The following SORCS2 variants were observed in gnomAD, a reference collection of about 807,000 sequenced individuals.
SORCS2 encodes the protein sortilin related VPS10 domain containing receptor 2.
Under a neutral mutation model 141.6 loss-of-function variants are expected in SORCS2, and 100 were observed. The ratio of observed to expected loss-of-function variants is 0.71; its 90% CI spans 0.60 to 0.83. The LOEUF (loss-of-function observed/expected upper bound fraction) is 0.83. SORCS2 is among the 40% of genes least tolerant of loss of function. The pLI, the probability that SORCS2 is intolerant of heterozygous loss-of-function variation, is 0.00. For missense variants in SORCS2, 1,646 were observed against 1,560.2 expected (o/e 1.05, Z -0.93); for synonymous variants, 789 against 676.9 (o/e 1.17, Z -2.57).
At chr4:7,682,694 C>G (rs1276642026) in intron 9 of SORCS2, 49 bp from the exon 10 acceptor site, 1 of 1,556,028 alleles carries the variant, frequency 6.4e-7, no homozygotes, top group African/African-American at 1.4e-5. Flanking sequence ...ACTTGGTCAT[C>G]AGAGTGCTCC....
intron 2 of SORCS2, among the ~76,000 whole-genome samples, chr4:7,483,863 A>G (rs1730811499): frequency 6.6e-6 from 1 of 152,114 alleles, no homozygotes; most frequent in South Asian, 2.1e-4. Flanking sequence ...ATGTATACCT[A>G]TGTAACAAAC....
chr4:7,213,594 C>T (rs1406029486), intron 1 of SORCS2, among the ~76,000 whole-genome samples: 2 of 152,196 alleles, frequency 1.3e-5, no homozygotes, highest in South Asian at 2.1e-4. Flanking sequence ...AGTCAAGAAC[C>T]ACTGTGTTAA....
Position 7,236,105 on chromosome 4 carries a change from G to A in SORCS2, c.480+42979G>A, listed in dbSNP as rs141181238. Among the ~76,000 whole-genome samples, 210 of 152,330 alleles carry A rather than the reference G, an allele frequency of 1.4e-3. 1 individual carries two copies. The highest frequency in any genetic ancestry group is 4.9e-3 in the African/African-American group (202 of 41,564). ...CCTGTTGGCCTTCAGACACTTGCAC[G>A]TATGGACGTTCATGTGGGTACCTAT... On this transcript the variant is annotated intron_variant, in intron 1 of 26. Transcript: ENST00000507866.
intron 1 of SORCS2, among the ~76,000 whole-genome samples, chr4:7,351,691 A>G (rs76474899): frequency 1.7e-4 from 22 of 129,288 alleles, no homozygotes; most frequent in Non-Finnish European, 2.9e-4. Context: ...CCGTCCATCC[A>G]TCCATCCATC....
chr4:7,632,867 A>AG (rs1719988649), intron 3 of SORCS2, among the ~76,000 whole-genome samples: 2 of 151,992 alleles, frequency 1.3e-5, no homozygotes, highest in Non-Finnish European at 2.9e-5. Flanking sequence ...AAGATGCTGG[A>AG]GGGGGCAGAG....
At chr4:7,715,339 C>A in intron 17 of SORCS2, 28 bp downstream of exon 17, 1 of 1,610,726 alleles carries the variant, frequency 6.2e-7, no homozygotes, top group Non-Finnish European at 8.5e-7. Flanking sequence ...CCTCTCCCTG[C>A]CTAAATCCGG....
rs563373569 is a variant in SORCS2, at chr4:7,398,115, G to A, written c.548+1760G>A. Among the ~76,000 whole-genome samples the A allele has an allele frequency of 2.0e-5, 3 of 152,272 alleles. No individual in the cohort carries two copies. The South Asian group carries it at 6.2e-4, about 32-fold the overall frequency. ...TTCCCGGTGTGATCTGCACTTATAC[G>A]ACGGAGTTGCCGGCTTAGTTTACGT... On this transcript the variant is annotated intron_variant, in intron 2 of 26. Coordinates refer to ENST00000507866, the MANE Select transcript of SORCS2 (RefSeq NM_020777.3).
At chr4:7,395,647 C>T (rs1724162770) in intron 1 of SORCS2, among the ~76,000 whole-genome samples, 1 of 34,458 alleles carries the variant, frequency 2.9e-5, no homozygotes, top group East Asian at 1.1e-3. Context: ...GAAATGCAAA[C>T]AGCGTGGTCA....
At chr4:7,715,389 G>C in intron 17 of SORCS2, 78 bp downstream of exon 17, 10 of 1,573,638 alleles carry the variant, frequency 6.4e-6, no homozygotes, top group Non-Finnish European at 8.7e-6. Context: ...ACGCCTTCCT[G>C]GCTGGTGCCT....
At chr4:7,438,695 C>T (rs530981188) in intron 2 of SORCS2, among the ~76,000 whole-genome samples, 107 of 151,588 alleles carry the variant, frequency 7.1e-4, no homozygotes, top group African/African-American at 2.4e-3. Context: ...TTTTAAAAGA[C>T]TCAGAATTAT....
intron 2 of SORCS2, among the ~76,000 whole-genome samples, chr4:7,470,457 G>T (rs1477627168): frequency 6.6e-6 from 1 of 152,204 alleles, no homozygotes; most frequent in Non-Finnish European, 1.5e-5. Context: ...ATCCAGGTGG[G>T]ATAGGGATGG....
intron 1 of SORCS2, among the ~76,000 whole-genome samples, chr4:7,337,470 C>T (rs928906896): frequency 2.6e-5 from 4 of 152,074 alleles, no homozygotes; most frequent in South Asian, 4.2e-4. Context: ...AGGCAGAGGT[C>T]GGGGAGAGTT....
chr4:7,335,563 G>A (rs1398302051), intron 1 of SORCS2, among the ~76,000 whole-genome samples: 2 of 152,202 alleles, frequency 1.3e-5, no homozygotes, highest in Non-Finnish European at 2.9e-5. Context: ...ACCCGAGGAC[G>A]GCCAGTTCAG....
intron 2 of SORCS2, among the ~76,000 whole-genome samples, chr4:7,445,046 G>A (rs1370298034): frequency 6.6e-6 from 1 of 152,212 alleles, no homozygotes; most frequent in Non-Finnish European, 1.5e-5. Context: ...ATATAGGACT[G>A]GACCATTGCT....
At chr4:7,596,391 A>G (rs978235692) in intron 3 of SORCS2, among the ~76,000 whole-genome samples, 6 of 151,882 alleles carry the variant, frequency 4.0e-5, no homozygotes, top group African/African-American at 1.2e-4. Context: ...TTTTATAGGG[A>G]CTCGCTAGAC....
chr4:7,592,389 T>C (rs1716979736), intron 3 of SORCS2, among the ~76,000 whole-genome samples: 1 of 152,158 alleles, frequency 6.6e-6, no homozygotes, highest in African/African-American at 2.4e-5. Context: ...GTGTCCTCAT[T>C]CAAGAAACGG....
At chr4:7,671,012 CT>C (rs1391628880) in intron 8 of SORCS2, among the ~76,000 whole-genome samples, 3 of 152,166 alleles carry the variant, frequency 2.0e-5, no homozygotes, top group Admixed American at 2.0e-4. Flanking sequence ...CCCCTTTTCC[CT>C]TTTGGGAGCC....
chr4:7,721,847 C>A (rs1726608046), intron 18 of SORCS2, among the ~76,000 whole-genome samples: 1 of 152,132 alleles, frequency 6.6e-6, no homozygotes, highest in Non-Finnish European at 1.5e-5. Context: ...CTGTATCATT[C>A]CGTACAACTA....
At position 7,664,674 on chromosome 4, in the gene SORCS2, C is replaced by T. The variant is rs974504073; in HGVS notation, c.1071+203C>T. On this transcript the variant is annotated intron_variant, in intron 7 of 26. Transcript: ENST00000507866. The surrounding 1 kb of genome is among the most constrained non-coding windows in gnomAD (Gnocchi z 4.7). ...CCCTCGCAAGCCCAGAACTGTGGCT[C>T]AGGGACACTGAGGCTCCACCTCCCT... is the stretch of plus-strand genomic sequence containing the variant. Among the ~76,000 whole-genome samples the T allele has an allele frequency of 3.3e-5, 5 of 152,196 alleles. No individual in the cohort carries two copies. Among genetic ancestry groups the T allele is most frequent in the South Asian group, 2.1e-4 (1 of 4,826 alleles).
Sources: allele counts gnomAD v4.1 joint callset (sites outside exome capture counted in the v4.1 genomes callset), GRCh38; gene constraint gnomAD v4.1.1; non-coding constraint Gnocchi (gnomAD v3.1); transcripts MANE v1.5; gene names NCBI Gene and HGNC (gene_info 2026-07-23, HGNC 2026-07-21).